PKD2: variants seen among roughly 807,000 people sequenced by gnomAD.
The protein encoded by PKD2 is polycystin-2.
PKD2 carries 48 observed loss-of-function variants against 105.9 expected under a neutral mutation model. The ratio of observed to expected loss-of-function variants is 0.45; its 90% CI spans 0.36 to 0.58. The LOEUF is 0.58. PKD2 is among the 20% of genes least tolerant of loss of function. PKD2 has a pLI of 0.00. For synonymous variants in PKD2, 464 were observed against 481.1 expected, an observed-to-expected ratio of 0.96 and a Z score of 0.46; for missense variants, 1,078 against 1,255.3, an observed-to-expected ratio of 0.86 and a Z score of 2.13.
chr4:88,017,947 G>T (rs1323998444), intron 1 of PKD2, among the ~76,000 whole-genome samples: 1 of 152,182 alleles, frequency 6.6e-6, no homozygotes, highest in Non-Finnish European at 1.5e-5. Context: ...TTTACCCAAA[G>T]AAGTGATGTA....
intron 3 of PKD2, among the ~76,000 whole-genome samples, chr4:88,037,032 C>T (rs184342238): frequency 6.6e-6 from 1 of 152,268 alleles, no homozygotes; most frequent in African/African-American, 2.4e-5. Context: ...ATTTTGAAAC[C>T]AGCTGGGCAC....
chr4:88,025,531 T>C (rs1726925219), intron 2 of PKD2, among the ~76,000 whole-genome samples: 1 of 151,358 alleles, frequency 6.6e-6, no homozygotes, highest in African/African-American at 2.4e-5. Flanking sequence ...AGAGGATGAC[T>C]TGAGTCTGGA....
intron 1 of PKD2, among the ~76,000 whole-genome samples, chr4:88,018,451 C>A (rs1172091938): frequency 6.6e-6 from 1 of 152,136 alleles, no homozygotes; most frequent in Non-Finnish European, 1.5e-5. Flanking sequence ...GAGTTAAGGT[C>A]TGTGGAATCA....
intron 6 of PKD2, among the ~76,000 whole-genome samples, chr4:88,047,413 TAGTC>T (rs909396553): frequency 6.6e-6 from 1 of 151,304 alleles, no homozygotes; most frequent in African/African-American, 2.4e-5. Context: ...AAAATTTAAT[TAGTC>T]AGGCATGGTG....
chr4:88,035,698 C>T (rs1034179252), intron 2 of PKD2, among the ~76,000 whole-genome samples: 2 of 152,118 alleles, frequency 1.3e-5, no homozygotes, highest in African/African-American at 2.4e-5. Flanking sequence ...TGGTACAGTT[C>T]GTAAAGATTA....
At chr4:88,059,487 A>G (rs921170240) in intron 9 of PKD2, among the ~76,000 whole-genome samples, 2 of 152,082 alleles carry the variant, frequency 1.3e-5, no homozygotes, top group Admixed American at 6.6e-5. Flanking sequence ...CCGTTTATCA[A>G]TCTGCCAAAC....
chr4:88,033,564 G>A (rs1161373346), intron 2 of PKD2, among the ~76,000 whole-genome samples: 1 of 152,038 alleles, frequency 6.6e-6, no homozygotes, highest in Non-Finnish European at 1.5e-5. Context: ...AGCCAATACA[G>A]ATCTTGAGAA....
At chr4:88,020,486 C>T (rs898142643) in intron 2 of PKD2, among the ~76,000 whole-genome samples, 2 of 151,976 alleles carry the variant, frequency 1.3e-5, no homozygotes, top group African/African-American at 4.8e-5. Flanking sequence ...GGGAGGGATG[C>T]CTGAGCGAGA....
Position 88,075,641 on chromosome 4 carries a change from A to G in PKD2, c.2854A>G (p.Thr952Ala), listed in dbSNP as rs767670761. The G allele has an allele frequency of 1.9e-6, 3 of 1,613,940 alleles. No homozygotes were observed. In the East Asian group the frequency reaches 6.7e-5, roughly 36 times the overall value. Residue 952 changes from threonine to alanine, a missense_variant, in exon 15 of 15, where the codon ACA becomes GCA. Thr to Ala is a moderately conservative substitution (Grantham distance 58). Coordinates refer to ENST00000237596, the MANE Select transcript of PKD2 (RefSeq NM_000297.4). ...CTCCCGCCCATCTTCCTCCCAATCT[A>G]CAGAAGGCATGGAAGGTGCAGGTGG... The part of the protein sequence containing the change: ...RSSRPSSSQS[T>A]EGMEGAGGNG...
In PKD2 at chr4:88,007,708, C is replaced by T. The variant is rs530444554; in HGVS notation, c.-26C>T. ...CAGCGCCGAGCGCGGCGCCGCGCAC[C>T]CGCGCGCCGGACGCCAGTGACCGCG... On this transcript the variant is annotated 5_prime_UTR_variant, in exon 1 of 15. Coordinates refer to ENST00000237596, the MANE Select transcript of PKD2 (RefSeq NM_000297.4). 378 of 1,180,378 alleles carry T rather than the reference C, an allele frequency of 3.2e-4. No homozygotes were observed. The African/African-American group carries it at 4.2e-3, about 13-fold the overall frequency. 73.1% of individuals were successfully genotyped at this position (1,180,378 alleles called of 1,614,324 possible).
rs1347130715 is a variant in PKD2 at position 88,075,489 on chromosome 4, A to G, written c.2702A>G (p.His901Arg). The G allele has an allele frequency of 1.9e-6, 3 of 1,613,998 alleles. No homozygotes were observed. Among genetic ancestry groups the G allele is most frequent in the Non-Finnish European group, 2.5e-6 (3 of 1,179,990 alleles). Reference protein sequence around the residue: ...DERLGRDSEIHREQMERLVRE... With the variant: ...DERLGRDSEIRREQMERLVRE... ...AGGCTGGGTCGTGACAGTGAAATCC[A>G]TAGGGAACAGATGGAACGGCTAGTA... The change falls in exon 15 of 15, where the codon CAT (histidine) becomes CGT (arginine). Residue 901 changes from histidine (H) to arginine (R), a missense_variant. By Grantham distance (29) the His-to-Arg change is conservative. Around this residue, in one of 2 missense-constraint regions of PKD2, gnomAD observed 868 missense variants for 1,067.3 expected, o/e 0.81. Transcript: ENST00000237596.
In PKD2 at chr4:88,022,727, A is replaced by G. The variant is rs2725229; in HGVS notation, c.709+3156A>G. On this transcript the variant is annotated intron_variant, in intron 2 of 14. Coordinates refer to ENST00000237596, the MANE Select transcript of PKD2 (RefSeq NM_000297.4). ...TAAATGAGATAGTGTACTTACCCCTATGGCTTAAGTATTAGGCTGTTCTTG... is the reference window on the plus strand; with the variant it reads ...TAAATGAGATAGTGTACTTACCCCTGTGGCTTAAGTATTAGGCTGTTCTTG... Among the ~76,000 whole-genome samples the G allele has an allele frequency of 1.7e-4, 26 of 152,274 alleles. No homozygotes were observed. In the East Asian group the frequency reaches 4.6e-3, roughly 27 times the overall value.
chr4:88,028,669 T>C lies in PKD2; in HGVS notation c.710-7551T>C, dbSNP rs146526870. Among the ~76,000 whole-genome samples, 911 of 152,370 alleles carry C rather than the reference T, an allele frequency of 6.0e-3. 12 individuals are homozygous for C. The highest frequency in any genetic ancestry group is 0.021 in the African/African-American group (855 of 41,594). ...GGTTGTTTATTTACCCTTGCTATTG[T>C]GTGGCTGAGCTTACTGCCACTGCCC... On this transcript the variant is annotated intron_variant, in intron 2 of 14. Transcript: ENST00000237596.
At chr4:88,017,534 C>T (rs1394756668) in intron 1 of PKD2, among the ~76,000 whole-genome samples, 1 of 152,090 alleles carries the variant, frequency 6.6e-6, no homozygotes, top group East Asian at 1.9e-4. Flanking sequence ...CTCAGCCTCC[C>T]ATGTAGCTGG....
chr4:88,010,144 G>C (rs1726336250), intron 1 of PKD2, among the ~76,000 whole-genome samples: 1 of 151,608 alleles, frequency 6.6e-6, no homozygotes, highest in Admixed American at 6.6e-5. Context: ...ACTGAGGCTG[G>C]AGTGCGGGGA....
intron 13 of PKD2, among the ~76,000 whole-genome samples, chr4:88,069,003 A>C (rs1215939566): frequency 6.6e-6 from 1 of 152,180 alleles, no homozygotes. Flanking sequence ...AATGAGGCTA[A>C]AGAAAAAAAA....
rs1038513507 is a variant in PKD2 at position 88,075,707 on chromosome 4, A to T, written c.*13A>T. 2 of 1,571,286 alleles carry T rather than the reference A, an allele frequency of 1.3e-6. No individual in the cohort carries two copies. The highest frequency in any genetic ancestry group is 1.8e-6 in the Non-Finnish European group (2 of 1,142,196). ...TGTCCACGTATGATATGTGTGTTTC[A>T]GTATGTGTGTTTCTAATAAGTGAGG... On this transcript the variant is annotated 3_prime_UTR_variant, in exon 15 of 15. Transcript: ENST00000237596.
chr4:88,068,675 G>A (rs1191740346), intron 13 of PKD2, among the ~76,000 whole-genome samples: 1 of 152,040 alleles, frequency 6.6e-6, no homozygotes, highest in East Asian at 1.9e-4. Flanking sequence ...CATATGGTTC[G>A]TCCTGAAGAA....
chr4:88,027,920 G>A (rs1727014372), intron 2 of PKD2, among the ~76,000 whole-genome samples: 1 of 152,128 alleles, frequency 6.6e-6, no homozygotes, highest in African/African-American at 2.4e-5. Flanking sequence ...AGTTTCCTGA[G>A]GTCTCCCCAG....
Sources: gnomAD v4.1 joint callset for allele counts (sites outside exome capture counted in the v4.1 genomes callset) on GRCh38, gnomAD v4.1.1 for gene constraint, gnomAD v4.1.1 regional missense constraint, MANE v1.5 for transcripts, NCBI Gene and HGNC (gene_info 2026-07-23, HGNC 2026-07-21) for gene names.